CUX1: variants seen among roughly 807,000 people sequenced by gnomAD.
CUX1 encodes cut like homeobox 1, also known as protein CASP.
CUX1 carries 31 observed loss-of-function variants against 158.8 expected under a neutral mutation model. The ratio of observed to expected loss-of-function variants is 0.20; its 90% CI spans 0.15 to 0.26. CUX1 has a LOEUF of 0.26. Among genes scored for constraint, CUX1 ranks in the 10% least tolerant of loss-of-function variants. CUX1 has a pLI of 1.00. For missense variants in CUX1, 1,589 were observed against 2,014.6 expected, an observed-to-expected ratio of 0.79 and a Z score of 4.04; for synonymous variants, 879 against 862.1, an observed-to-expected ratio of 1.02 and a Z score of -0.34.
chr7:102,158,605 C>A lies in CUX1; in HGVS notation c.720C>A (p.Asn240Lys). The change falls in exon 9 of 24, where the codon AAC becomes AAA. Residue 240 changes from asparagine to lysine, a missense_variant. Physicochemically the swap from Asn to Lys is moderately conservative, Grantham distance 94 (BLOSUM62 0). Transcript: ENST00000292535. ...EMIMTDLERA[N>K]QRAEVAQREA... ...TCATGACGGACCTTGAAAGGGCAAA[C>A]CAGGTAGGACCCTGGACGCTTTTAG... is the stretch of plus-strand genomic sequence containing the variant. The A allele has an allele frequency of 6.2e-7, 1 of 1,613,942 alleles. No individual in the cohort carries two copies. The highest frequency in any genetic ancestry group is 8.5e-7 in the Non-Finnish European group (1 of 1,179,924).
chr7:101,941,773 CTG>C (rs1807745926), intron 2 of CUX1, among the ~76,000 whole-genome samples: 2 of 152,174 alleles, frequency 1.3e-5, no homozygotes, highest in South Asian at 4.1e-4. Context: ...TGAAGAATTT[CTG>C]TGTTTTTAAT....
intron 6 of CUX1, 34 bp from the exon 7 acceptor site, chr7:102,111,664 A>G (rs200855040): frequency 5.4e-5 from 86 of 1,602,526 alleles, no homozygotes; most frequent in Middle Eastern, 3.3e-4. Context: ...GGTAAAGGAG[A>G]TGACCAATTT....
At chr7:101,973,777 T>C (rs1335080063) in intron 2 of CUX1, among the ~76,000 whole-genome samples, 1 of 150,664 alleles carries the variant, frequency 6.6e-6, no homozygotes, top group African/African-American at 2.4e-5. Flanking sequence ...TTTCTTTTTT[T>C]TTTTTTTTTG....
At chr7:102,076,660 G>T (rs1470568254) in intron 4 of CUX1, among the ~76,000 whole-genome samples, 1 of 152,124 alleles carries the variant, frequency 6.6e-6, no homozygotes, top group Non-Finnish European at 1.5e-5. Context: ...ACCAGGCTGA[G>T]CCCCAGGGAT....
At chr7:101,888,644 C>T (rs922725458) in intron 1 of CUX1, among the ~76,000 whole-genome samples, 8 of 152,058 alleles carry the variant, frequency 5.3e-5, no homozygotes, top group Admixed American at 3.9e-4. Context: ...GGCTGGAGTG[C>T]GGTGGTGCAA....
chr7:102,075,489 T>A (rs986126730), intron 4 of CUX1, among the ~76,000 whole-genome samples: 3 of 152,212 alleles, frequency 2.0e-5, no homozygotes, highest in African/African-American at 7.2e-5. Flanking sequence ...GAGAGACTGG[T>A]TCAGTGCGGT....
intron 1 of CUX1, among the ~76,000 whole-genome samples, chr7:101,832,640 A>G (rs1297901199): frequency 3.9e-5 from 6 of 152,148 alleles, no homozygotes; most frequent in Non-Finnish European, 5.9e-5. Context: ...CCCTGGTTTC[A>G]TGATGTAATT....
chr7:102,000,947 A>G (rs1056038990), intron 2 of CUX1, among the ~76,000 whole-genome samples: 1 of 151,940 alleles, frequency 6.6e-6, no homozygotes, highest in South Asian at 2.1e-4. Context: ...AATACTGTTT[A>G]TTTGTATTTT....
intron 2 of CUX1, among the ~76,000 whole-genome samples, chr7:101,924,292 G>A (rs914611101): frequency 1.3e-5 from 2 of 152,092 alleles, no homozygotes; most frequent in Non-Finnish European, 2.9e-5. Flanking sequence ...GGGCCCAAAC[G>A]CATTTAGTCA....
At chr7:102,051,337 T>C (rs1476895944) in intron 3 of CUX1, among the ~76,000 whole-genome samples, 3 of 151,194 alleles carry the variant, frequency 2.0e-5, no homozygotes, top group Non-Finnish European at 4.4e-5. Flanking sequence ...TAATAGACTA[T>C]CATTTGTGTT....
At chr7:101,986,747 G>A (rs1375978308) in intron 2 of CUX1, among the ~76,000 whole-genome samples, 1 of 152,188 alleles carries the variant, frequency 6.6e-6, no homozygotes, top group Non-Finnish European at 1.5e-5. Flanking sequence ...CCATTGAGTT[G>A]GCATAAGGAG....
chr7:102,043,498 C>T (rs1381590437), intron 3 of CUX1, among the ~76,000 whole-genome samples: 2 of 152,048 alleles, frequency 1.3e-5, no homozygotes, highest in African/African-American at 4.8e-5. Flanking sequence ...AACTTTTACC[C>T]TTTTCAAGGA....
intron 18 of CUX1, among the ~76,000 whole-genome samples, chr7:102,279,543 G>A (rs1484160121): frequency 4.6e-5 from 7 of 152,020 alleles, no homozygotes; most frequent in African/African-American, 1.7e-4. Flanking sequence ...AAGAGCGTGG[G>A]GCATAGTGGG....
At chr7:102,045,656 G>A (rs140366883) in intron 3 of CUX1, among the ~76,000 whole-genome samples, 10 of 152,374 alleles carry the variant, frequency 6.6e-5, no homozygotes, top group African/African-American at 2.4e-4. Flanking sequence ...CCACGTGGAG[G>A]GCAAATTGAT....
chr7:102,167,128 C>T (rs1377777791), intron 9 of CUX1, among the ~76,000 whole-genome samples: 4 of 152,018 alleles, frequency 2.6e-5, no homozygotes, highest in South Asian at 2.1e-4. Flanking sequence ...ATTAGCTGGG[C>T]GTGATGGCGG....
chr7:101,964,617 C>G (rs1245175183), intron 2 of CUX1, among the ~76,000 whole-genome samples: 2 of 152,152 alleles, frequency 1.3e-5, no homozygotes, highest in Non-Finnish European at 2.9e-5. Context: ...AACCACGCCT[C>G]CATTGGACAG....
intron 3 of CUX1, among the ~76,000 whole-genome samples, chr7:102,028,794 C>T (rs1820369985): frequency 2.0e-5 from 3 of 152,158 alleles, no homozygotes; most frequent in Admixed American, 6.5e-5. Flanking sequence ...ACACTCTTTG[C>T]CAGCCCTTTG....
chr7:102,120,484 C>T (rs1554493097), intron 8 of CUX1, among the ~76,000 whole-genome samples: 1 of 152,204 alleles, frequency 6.6e-6, no homozygotes, highest in Non-Finnish European at 1.5e-5. Flanking sequence ...TAAGGTTACT[C>T]ATGTTGTATT....
intron 1 of CUX1, chr7:101,822,153 C>G (rs1792721047): frequency 6.6e-6 from 1 of 152,156 alleles, no homozygotes; most frequent in African/African-American, 2.4e-5. Context: ...CGTGCCCGGC[C>G]GATGTTTTCT....
Sources: allele counts gnomAD v4.1 joint callset (sites outside exome capture counted in the v4.1 genomes callset), GRCh38; gene constraint gnomAD v4.1.1; transcripts MANE v1.5; gene names NCBI Gene and HGNC (gene_info 2026-07-23, HGNC 2026-07-21).